Variants in GRM5 observed in about 807,000 individuals in gnomAD.
GRM5 encodes the protein glutamate metabotropic receptor 5, also known as metabotropic glutamate receptor 5.
Under a neutral mutation model 83.1 loss-of-function variants are expected in GRM5, and 19 were observed. That is an observed-to-expected ratio of 0.23 (90% confidence interval 0.16 to 0.34). The LOEUF (loss-of-function observed/expected upper bound fraction) is 0.34. GRM5 is among the 10% of genes least tolerant of loss of function. GRM5 has a pLI of 1.00. For missense variants in GRM5, 1,160 were observed against 1,588.3 expected, an observed-to-expected ratio of 0.73 and a Z score of 4.58; for synonymous variants, 675 against 633.6, an observed-to-expected ratio of 1.07 and a Z score of -0.98.
intron 3 of GRM5, among the ~76,000 whole-genome samples, chr11:88,660,712 C>T (rs139637656): frequency 8.9e-4 from 136 of 152,280 alleles, no homozygotes; most frequent in African/African-American, 3.0e-3. Flanking sequence ...ACTGCTGAGA[C>T]GAACCTCACA....
intron 3 of GRM5, among the ~76,000 whole-genome samples, chr11:88,697,225 C>T (rs1412770675): frequency 6.6e-6 from 1 of 152,144 alleles, no homozygotes; most frequent in African/African-American, 2.4e-5. Flanking sequence ...TTATTTTCCC[C>T]TAAGGTCACA....
chr11:88,635,162 G>C (rs562036195), intron 4 of GRM5, among the ~76,000 whole-genome samples: 2 of 152,250 alleles, frequency 1.3e-5, no homozygotes, highest in East Asian at 3.9e-4. Context: ...TGATATACTG[G>C]TTTCATTTCC....
At chr11:88,978,349 A>G (rs1164798170) in intron 2 of GRM5, among the ~76,000 whole-genome samples, 2 of 152,018 alleles carry the variant, frequency 1.3e-5, no homozygotes, top group African/African-American at 4.8e-5. Flanking sequence ...AAACTCATCA[A>G]GTTGTATCCA....
chr11:88,752,576 A>G (rs1009842258), intron 3 of GRM5, among the ~76,000 whole-genome samples: 5 of 152,216 alleles, frequency 3.3e-5, no homozygotes, highest in South Asian at 4.1e-4. Context: ...TACCTTTGCC[A>G]TTTTTCACAG....
At position 88,505,396 on chromosome 11, in the gene GRM5, A is replaced by G. The variant is rs1941158743; in HGVS notation, c.*3196T>C. 1.3e-5 allele frequency: 2 copies of G among 152,250 alleles called. No homozygotes were observed. 9.4% of individuals were successfully genotyped at this position (152,250 alleles called of 1,614,324 possible). On this transcript the variant is annotated 3_prime_UTR_variant, in exon 10 of 10. Coordinates refer to ENST00000305447, the MANE Select transcript of GRM5 (RefSeq NM_001143831.3). ...GAAGTCACAGAACTGCAGCAGAGCTATTATACAATTCATTTACAGTCAGAA... is the reference window on the plus strand; with the variant it reads ...GAAGTCACAGAACTGCAGCAGAGCTGTTATACAATTCATTTACAGTCAGAA...
chr11:88,688,975 T>C (rs1219904464), intron 3 of GRM5, among the ~76,000 whole-genome samples: 1 of 151,968 alleles, frequency 6.6e-6, no homozygotes, highest in African/African-American at 2.4e-5. Flanking sequence ...AAAGCACCCA[T>C]ATAAAACGGA....
At chr11:88,521,218 C>T (rs1442172998) in intron 9 of GRM5, among the ~76,000 whole-genome samples, 1 of 152,104 alleles carries the variant, frequency 6.6e-6, no homozygotes, top group Admixed American at 6.5e-5. Context: ...GAGTTCGAGA[C>T]TAGCCTGGCC....
intron 2 of GRM5, among the ~76,000 whole-genome samples, chr11:88,912,611 A>T (rs1001986724): frequency 1.2e-4 from 19 of 152,144 alleles, no homozygotes; most frequent in East Asian, 1.9e-4. Context: ...ATAAGTTTTT[A>T]AAAAATGTCA....
At chr11:88,554,460 G>C (rs1389234754) in intron 8 of GRM5, among the ~76,000 whole-genome samples, 2 of 152,152 alleles carry the variant, frequency 1.3e-5, no homozygotes, top group Admixed American at 1.3e-4. Flanking sequence ...GGCTACTAAA[G>C]AGGACTTCCA....
At chr11:88,744,437 C>T (rs551289467) in intron 3 of GRM5, among the ~76,000 whole-genome samples, 37 of 152,240 alleles carry the variant, frequency 2.4e-4, no homozygotes, top group Non-Finnish European at 3.7e-4. Context: ...CTTAAAACCT[C>T]GCCCCTTTAT....
chr11:89,051,050 C>G (rs896641514), intron 1 of GRM5, among the ~76,000 whole-genome samples: 1 of 152,058 alleles, frequency 6.6e-6, no homozygotes, highest in Non-Finnish European at 1.5e-5. Flanking sequence ...ATCCCCATGA[C>G]ACCAGTTTAT....
chr11:88,895,800 T>C (rs1490705289), intron 2 of GRM5, among the ~76,000 whole-genome samples: 1 of 151,998 alleles, frequency 6.6e-6, no homozygotes, highest in Admixed American at 6.6e-5. Context: ...ACATCTATTA[T>C]AGAATTAAGG....
At position 88,746,900 on chromosome 11, in the gene GRM5, C is replaced by A. The variant is rs574346716; in HGVS notation, c.912-93497G>T. 4.5e-4 allele frequency among the ~76,000 whole-genome samples: 69 copies of A among 152,180 alleles called. 1 individual carries two copies. The highest frequency in any genetic ancestry group is 1.7e-3 in the African/African-American group (69 of 41,532). ...CATAAAAATCCAAAAATCAATGAAGCATATCGTTTAGACCTTGTGTTTCTT... is the reference window on the plus strand; with the variant it reads ...CATAAAAATCCAAAAATCAATGAAGAATATCGTTTAGACCTTGTGTTTCTT... On this transcript the variant is annotated intron_variant, in intron 3 of 9. Coordinates refer to ENST00000305447, the MANE Select transcript of GRM5 (RefSeq NM_001143831.3).
At chr11:89,057,448 C>CA (rs1050229552) in intron 1 of GRM5, among the ~76,000 whole-genome samples, 1 of 151,618 alleles carries the variant, frequency 6.6e-6, no homozygotes, top group African/African-American at 2.4e-5. Flanking sequence ...ACCCCCTCAA[C>CA]AAAAAAAGGG....
At chr11:88,640,384 T>G (rs1267589335) in intron 4 of GRM5, among the ~76,000 whole-genome samples, 1 of 152,212 alleles carries the variant, frequency 6.6e-6, no homozygotes, top group African/African-American at 2.4e-5. Context: ...ACTTGAACTC[T>G]ACTTTTTCTA....
chr11:88,968,918 G>GT (rs1939078499), intron 2 of GRM5, among the ~76,000 whole-genome samples: 1 of 152,064 alleles, frequency 6.6e-6, no homozygotes, highest in African/African-American at 2.4e-5. Context: ...CCAGGATCGG[G>GT]TTTTTTAGAT....
chr11:88,845,648 T>C (rs538112003), intron 3 of GRM5, among the ~76,000 whole-genome samples: 3 of 152,052 alleles, frequency 2.0e-5, no homozygotes, highest in Non-Finnish European at 4.4e-5. Flanking sequence ...TTAGCCAGGA[T>C]GGTCTTGATC....
At chr11:88,839,735 A>T (rs11021545) in intron 3 of GRM5, among the ~76,000 whole-genome samples, 3,871 of 152,310 alleles carry the variant, frequency 0.025, 173 homozygotes, top group African/African-American at 0.089. Flanking sequence ...CATGTTACAC[A>T]GTCAAATATC....
intron 4 of GRM5, among the ~76,000 whole-genome samples, chr11:88,623,788 C>T (rs1447803139): frequency 6.6e-6 from 1 of 152,172 alleles, no homozygotes; most frequent in African/African-American, 2.4e-5. Context: ...GCAGAGTTTC[C>T]TGCTGCCTGG....
Sources: gnomAD v4.1 joint callset for allele counts (sites outside exome capture counted in the v4.1 genomes callset) on GRCh38, gnomAD v4.1.1 for gene constraint, MANE v1.5 for transcripts, NCBI Gene and HGNC (gene_info 2026-07-23, HGNC 2026-07-21) for gene names.